Variants in ZNF679 observed in about 807,000 individuals in gnomAD.
ZNF679 encodes the protein zinc finger protein 679, also known as hypothetical protein MGC42415.
In ZNF679, 10 loss-of-function variants were observed where a neutral mutation model predicts 13.4. The ratio of observed to expected loss-of-function variants is 0.75; its 90% CI spans 0.46 to 1.27. The LOEUF (loss-of-function observed/expected upper bound fraction) is 1.27. Among genes scored for constraint, ZNF679 ranks in the 50% most tolerant of loss-of-function variants. The pLI is 0.00. For missense variants in ZNF679, 525 were observed against 477.8 expected (o/e 1.10, Z -0.92); for synonymous variants, 179 against 162.5 (o/e 1.10, Z -0.77).
chr7:64,240,560 T>G (rs1013349070), intron 1 of ZNF679, among the ~76,000 whole-genome samples: 1 of 152,214 alleles, frequency 6.6e-6, no homozygotes, highest in Non-Finnish European at 1.5e-5. Context: ...GACTGTCATA[T>G]GCACATCCAG....
chr7:64,236,979 G>GAAAGAA (rs1562840395), intron 1 of ZNF679, among the ~76,000 whole-genome samples: 21 of 64,344 alleles, frequency 3.3e-4, no homozygotes, highest in South Asian at 9.1e-4. Flanking sequence ...GAAAGAAAAA[G>GAAAGAA]AAAGAAAGAA....
chr7:64,230,697 C>T (rs1787626971), intron 1 of ZNF679, among the ~76,000 whole-genome samples: 2 of 152,124 alleles, frequency 1.3e-5, no homozygotes, highest in African/African-American at 4.8e-5. Flanking sequence ...ATCACACCTG[C>T]AGGAATGTCC....
intron 1 of ZNF679, among the ~76,000 whole-genome samples, chr7:64,238,614 C>T (rs11761995): frequency 6.6e-6 from 1 of 152,074 alleles, no homozygotes; most frequent in South Asian, 2.1e-4. Flanking sequence ...TCCTGAACAC[C>T]TGACCTCAAG....
At chr7:64,257,186 T>C (rs1346338800) in intron 2 of ZNF679, among the ~76,000 whole-genome samples, 1 of 152,352 alleles carries the variant, frequency 6.6e-6, no homozygotes, top group African/African-American at 2.4e-5. Context: ...GGTTTGTAAA[T>C]TGAGATCTTT....
At chr7:64,248,635 C>A (rs1335598370) in intron 1 of ZNF679, among the ~76,000 whole-genome samples, 1 of 152,112 alleles carries the variant, frequency 6.6e-6, no homozygotes, top group Non-Finnish European at 1.5e-5. Context: ...AACCATATCA[C>A]TGCAAAGGAC....
intron 1 of ZNF679, among the ~76,000 whole-genome samples, chr7:64,230,631 G>T (rs1269838671): frequency 6.6e-6 from 1 of 151,996 alleles, no homozygotes. Context: ...TGTCTCGTGT[G>T]TTTTATCCAG....
At chr7:64,240,053 C>T (rs1441607547) in intron 1 of ZNF679, among the ~76,000 whole-genome samples, 1 of 152,128 alleles carries the variant, frequency 6.6e-6, no homozygotes, top group Non-Finnish European at 1.5e-5. Flanking sequence ...TAGCTGGAAC[C>T]AGCTCCCTGG....
intron 4 of ZNF679, among the ~76,000 whole-genome samples, chr7:64,264,147 A>G (rs1287406008): frequency 1.3e-5 from 2 of 152,040 alleles, no homozygotes; most frequent in Non-Finnish European, 2.9e-5. Context: ...GTCTCATGCT[A>G]GTAATTGACT....
At position 64,266,127 on chromosome 7, in the gene ZNF679, T is replaced by C. The variant is rs370180306; in HGVS notation, c.494T>C (p.Phe165Ser). The C allele has an allele frequency of 5.6e-6, 9 of 1,609,042 alleles. No homozygotes were observed. In the East Asian group the frequency reaches 6.7e-5, roughly 12 times the overall value. ...IFQTHKCVKV[F>S]GKFSNSNRHK... Reference sequence around the variant, plus strand: ...CAGACTCATAAATGTGTCAAAGTCTTCGGCAAATTTTCAAATTCCAATAGA... The same window carrying C: ...CAGACTCATAAATGTGTCAAAGTCTCCGGCAAATTTTCAAATTCCAATAGA... The change falls in exon 5 of 5, where the codon TTC becomes TCC. Residue 165 changes from phenylalanine to serine, a missense_variant. Coordinates refer to ENST00000421025, the MANE Select transcript of ZNF679 (RefSeq NM_153363.3).
intron 1 of ZNF679, among the ~76,000 whole-genome samples, chr7:64,240,438 T>A (rs982780807): frequency 6.6e-6 from 1 of 152,204 alleles, no homozygotes; most frequent in Non-Finnish European, 1.5e-5. Flanking sequence ...GGCAAGGTCC[T>A]GGGTCTCCTA....
At chr7:64,242,096 G>A (rs1787806725) in intron 1 of ZNF679, among the ~76,000 whole-genome samples, 1 of 152,216 alleles carries the variant, frequency 6.6e-6, no homozygotes, top group South Asian at 2.1e-4. Flanking sequence ...CCCAGTAGGG[G>A]AGTCACAGCC....
rs750985278 is a variant in ZNF679, at chr7:64,266,451, G to A, written c.818G>A (p.Cys273Tyr). ...GAAAAACCCTACACATGTGAAGAAT[G>A]TGGCCAAGCCTTTAGCCGCTCCTCA... is the stretch of plus-strand genomic sequence containing the variant. Reference protein sequence around the residue: ...TGEKPYTCEECGQAFSRSSTL... With the variant: ...TGEKPYTCEEYGQAFSRSSTL... The change falls in exon 5 of 5, where the codon TGT becomes TAT. Residue 273 changes from cysteine to tyrosine, a missense_variant. Transcript: ENST00000421025. 1.9e-6 allele frequency: 3 copies of A among 1,611,932 alleles called. No individual in the cohort carries two copies. In the South Asian group the frequency reaches 3.3e-5, roughly 18 times the overall value.
At chr7:64,251,818 G>C (rs1787947653) in intron 2 of ZNF679, among the ~76,000 whole-genome samples, 1 of 152,198 alleles carries the variant, frequency 6.6e-6, no homozygotes, top group Non-Finnish European at 1.5e-5. Flanking sequence ...AGCCTTGCAA[G>C]AGAAGAGAGC....
intron 2 of ZNF679, among the ~76,000 whole-genome samples, chr7:64,255,545 T>A (rs959515144): frequency 5.9e-4 from 90 of 152,126 alleles, no homozygotes; most frequent in Non-Finnish European, 7.6e-4. Context: ...TAGCCCCACA[T>A]GGACCTCTGT....
At chr7:64,235,142 C>T (rs1407809320) in intron 1 of ZNF679, among the ~76,000 whole-genome samples, 1 of 151,980 alleles carries the variant, frequency 6.6e-6, no homozygotes, top group Non-Finnish European at 1.5e-5. Flanking sequence ...CCGGCCATAT[C>T]AACTTTTTAA....
intron 2 of ZNF679, among the ~76,000 whole-genome samples, chr7:64,256,448 G>A (rs62461247): frequency 0.039 from 5,902 of 152,014 alleles, 172 homozygotes; most frequent in Admixed American, 0.088. Context: ...GGGATTGCTG[G>A]GTCAAATGGT....
intron 1 of ZNF679, among the ~76,000 whole-genome samples, chr7:64,229,403 TGTGA>T (rs901514240): frequency 8.0e-4 from 122 of 152,324 alleles, no homozygotes; most frequent in African/African-American, 2.7e-3. Flanking sequence ...ACACTGTGCC[TGTGA>T]GTTAGTCAAG....
Position 64,249,161 on chromosome 7 carries a change from G to C in ZNF679, c.39+5G>C, listed in dbSNP as rs762935077. The C allele has an allele frequency of 5.0e-6, 8 of 1,614,028 alleles. No individual in the cohort carries two copies. ...TCCCCTGGAAGCCGAGAAATGGTGA[G>C]TGCTGGGTCTGTCACCGTGAGAGAG... On this transcript the variant is annotated splice_donor_5th_base_variant and intron_variant, in intron 2 of 4. Transcript: ENST00000421025.
At position 64,260,917 on chromosome 7, in the gene ZNF679, A is replaced by T. The variant is rs4143585; in HGVS notation, c.250A>T (p.Thr84Ser). The T allele has an allele frequency of 6.2e-7, 1 of 1,610,710 alleles. No homozygotes were observed. The highest frequency in any genetic ancestry group is 2.2e-5 in the East Asian group (1 of 44,760). Residue 84 changes from threonine (T) to serine (S), a missense_variant, in exon 4 of 5, where the codon ACC (threonine) becomes TCC (serine). Transcript: ENST00000421025. Reference protein sequence around the residue: ...PWNIKRNEMVTKHPVMCSHFT... With the variant: ...PWNIKRNEMVSKHPVMCSHFT... ...GAATATAAAGAGAAATGAGATGGTA[A>T]CCAAACACCCAGGTAAGTGAGAGTG... is the stretch of plus-strand genomic sequence containing the variant.
Sources: gnomAD v4.1 joint callset for allele counts (sites outside exome capture counted in the v4.1 genomes callset) on GRCh38, gnomAD v4.1.1 for gene constraint, MANE v1.5 for transcripts, NCBI Gene and HGNC (gene_info 2026-07-23, HGNC 2026-07-21) for gene names.